The following SESN3 variants were observed in gnomAD, a reference collection of about 807,000 sequenced individuals.
SESN3 encodes sestrin 3, also known as sestrin-3.
In SESN3, 21 loss-of-function variants were observed where a neutral mutation model predicts 55.3. The observed-to-expected ratio is 0.38, with a 90% confidence interval of 0.27 to 0.55. The LOEUF is 0.55. Among genes scored for constraint, SESN3 ranks in the 20% least tolerant of loss-of-function variants. The pLI is 0.76. For synonymous variants in SESN3, 181 were observed against 203.1 expected (o/e 0.89, Z 0.93); for missense variants, 408 against 604.3 (o/e 0.68, Z 3.41).
chr11:95,214,694 A>T (rs1192339966), intron 1 of SESN3, among the ~76,000 whole-genome samples: 2 of 152,174 alleles, frequency 1.3e-5, no homozygotes, highest in Non-Finnish European at 2.9e-5. Flanking sequence ...CAAATCTGTC[A>T]TCAGGACAAA....
At chr11:95,211,150 T>C (rs1187323815) in intron 1 of SESN3, among the ~76,000 whole-genome samples, 1 of 152,216 alleles carries the variant, frequency 6.6e-6, no homozygotes, top group Non-Finnish European at 1.5e-5. Flanking sequence ...AAGCCAATCA[T>C]AGCTTCATGT....
chr11:95,215,131 G>A (rs771215422), intron 1 of SESN3, among the ~76,000 whole-genome samples: 1 of 151,984 alleles, frequency 6.6e-6, no homozygotes, highest in Non-Finnish European at 1.5e-5. Flanking sequence ...ATTTGTGGAA[G>A]CATTTGGTTA....
At chr11:95,173,474 T>C in intron 9 of SESN3, 133 bp from the exon 10 acceptor site, 1 of 469,892 alleles carries the variant, frequency 2.1e-6, no homozygotes, top group African/African-American at 1.9e-5. Context: ...TATTTATCCA[T>C]GTTCATGATG....
intron 1 of SESN3, among the ~76,000 whole-genome samples, chr11:95,205,893 T>G (rs1415797979): frequency 6.6e-6 from 1 of 151,890 alleles, no homozygotes; most frequent in Non-Finnish European, 1.5e-5. Flanking sequence ...TATCCTTAGT[T>G]TATTGAGGGG....
Position 95,184,534 on chromosome 11 carries a change from C to T in SESN3, c.823G>A (p.Glu275Lys). Residue 275 changes from glutamate (E) to lysine (K), a missense_variant, in exon 6 of 10, where the codon GAA becomes AAA. Glu to Lys is a moderately conservative substitution (Grantham distance 56). This residue lies in a region of SESN3 where 119 missense variants were observed against 139.9 expected (regional missense o/e 0.85). Transcript: ENST00000536441. ...LMERMKRLQE[E>K]REDEEASQEE... ...TGAGACGCCTCTTCATCTTCCCTTT[C>T]TTCTTGAAGTCTTTTCATCCTTTCC... The T allele has an allele frequency of 6.2e-7, 1 of 1,613,532 alleles. No individual in the cohort carries two copies. Among genetic ancestry groups the T allele is most frequent in the Non-Finnish European group, 8.5e-7 (1 of 1,179,696 alleles).
intron 1 of SESN3, among the ~76,000 whole-genome samples, chr11:95,206,142 C>G (rs778004233): frequency 4.0e-5 from 6 of 151,664 alleles, no homozygotes; most frequent in African/African-American, 4.8e-5. Flanking sequence ...GAAGATAAAC[C>G]TCATAAAAGT....
intron 1 of SESN3, among the ~76,000 whole-genome samples, chr11:95,208,100 A>T (rs931342652): frequency 2.7e-5 from 4 of 150,764 alleles, no homozygotes; most frequent in Non-Finnish European, 5.9e-5. Flanking sequence ...TTAGTTTTTT[A>T]AAAAAAATGA....
intron 6 of SESN3, chr11:95,182,275 A>G (rs537900493): frequency 1.0e-5 from 2 of 196,510 alleles, no homozygotes; most frequent in African/African-American, 4.7e-5. Flanking sequence ...TAACTTTAAT[A>G]TAAATGTTTA....
At chr11:95,186,492 C>A (rs1271415208) in intron 4 of SESN3, among the ~76,000 whole-genome samples, 1 of 151,782 alleles carries the variant, frequency 6.6e-6, no homozygotes, top group South Asian at 2.1e-4. Context: ...AGGAAAAGAT[C>A]TGTTAAAGAA....
intron 1 of SESN3, among the ~76,000 whole-genome samples, chr11:95,193,830 T>A (rs1357846827): frequency 6.6e-6 from 1 of 152,082 alleles, no homozygotes; most frequent in East Asian, 1.9e-4. Context: ...TTAACCTCCA[T>A]AATAAAATAG....
At chr11:95,212,704 T>TAA (rs1306559774) in intron 1 of SESN3, among the ~76,000 whole-genome samples, 1 of 152,096 alleles carries the variant, frequency 6.6e-6, no homozygotes, top group Admixed American at 6.6e-5. Context: ...TATGACAACA[T>TAA]AAAAAAATAT....
chr11:95,203,834 A>T (rs1312523930), intron 1 of SESN3: 1 of 152,650 alleles, frequency 6.6e-6, no homozygotes, highest in Non-Finnish European at 1.5e-5. Flanking sequence ...TGGTGTGGAC[A>T]TCTGTGTCTA....
intron 1 of SESN3, among the ~76,000 whole-genome samples, chr11:95,196,667 G>A (rs538488791): frequency 6.6e-6 from 1 of 152,198 alleles, no homozygotes; most frequent in East Asian, 1.9e-4. Flanking sequence ...ATTAAATAAA[G>A]TTAAAAACAC....
In SESN3 at chr11:95,189,948, T is replaced by G. The variant is rs1279992884; in HGVS notation, c.356A>C (p.His119Pro). The G allele has an allele frequency of 6.2e-7, 1 of 1,602,832 alleles. No individual in the cohort carries two copies. The highest frequency in any genetic ancestry group is 8.5e-7 in the Non-Finnish European group (1 of 1,175,612). The change falls in exon 4 of 10, where the codon CAT becomes CCT. Residue 119 changes from histidine to proline, a missense_variant. His to Pro is a moderately conservative substitution (Grantham distance 77). Transcript: ENST00000536441. ...CATGTTTATTAAGTAAGAACACTGA[T>G]GTCTAGCTGCAGCCTAAAGCACAAA... ...HYIAIMAAAR[H>P]QCSYLINMHV...
rs773318163 is a variant in SESN3, at chr11:95,173,269, G to A, written c.1465C>T (p.Arg489Trp). ...TGGGTGATACTTCAGGTCAAATGCC[G>A]AGTTATGGCACGAAGAGCATAAAGA... ...ELLYALRAIT[R>W]HLT Residue 489 changes from arginine (R) to tryptophan (W), a missense_variant, in exon 10 of 10, where the codon CGG (arginine) becomes TGG (tryptophan). This residue lies in a region of SESN3 where 121 missense variants were observed against 204.9 expected (regional missense o/e 0.59). Coordinates refer to ENST00000536441, the MANE Select transcript of SESN3 (RefSeq NM_144665.4). The A allele has an allele frequency of 8.3e-6, 13 of 1,572,638 alleles. No individual in the cohort carries two copies. Among genetic ancestry groups the A allele is most frequent in the South Asian group, 3.4e-5 (3 of 87,316 alleles).
chr11:95,202,462 ATTTG>A (rs769947107), intron 1 of SESN3, among the ~76,000 whole-genome samples: 5 of 152,004 alleles, frequency 3.3e-5, no homozygotes, highest in Non-Finnish European at 5.9e-5. Flanking sequence ...CTGGATGCCT[ATTTG>A]TTTATTTTCT....
chr11:95,194,474 A>G (rs1371851079), intron 1 of SESN3, among the ~76,000 whole-genome samples: 14 of 152,160 alleles, frequency 9.2e-5, no homozygotes, highest in Non-Finnish European at 1.9e-4. Context: ...TTGAGGATAC[A>G]GGGTGAGGAA....
chr11:95,200,338 A>G (rs1187483771), intron 1 of SESN3, among the ~76,000 whole-genome samples: 1 of 152,094 alleles, frequency 6.6e-6, no homozygotes, highest in Non-Finnish European at 1.5e-5. Context: ...CACTATCTCT[A>G]AAAGAAAAAT....
chr11:95,231,340 G>T (rs925593269), upstream of SESN3: 3 of 387,046 alleles, frequency 7.8e-6, no homozygotes, highest in Non-Finnish European at 9.1e-6. Context: ...ACTGGGAGTC[G>T]CGCCGGCCAA....
Sources: allele counts gnomAD v4.1 joint callset (sites outside exome capture counted in the v4.1 genomes callset), GRCh38; gene constraint gnomAD v4.1.1; regional missense constraint gnomAD v4.1.1; transcripts MANE v1.5; gene names NCBI Gene and HGNC (gene_info 2026-07-23, HGNC 2026-07-21).